RPRD1B: variants seen among roughly 807,000 people sequenced by gnomAD.
RPRD1B encodes regulation of nuclear pre-mRNA domain-containing protein 1B.
In RPRD1B, 11 loss-of-function variants were observed where a neutral mutation model predicts 41.5. That is an observed-to-expected ratio of 0.27 (90% CI 0.17 to 0.44). The LOEUF (loss-of-function observed/expected upper bound fraction) is 0.44. Ranked by LOEUF, RPRD1B falls within the 20% of genes least tolerant of loss-of-function variation. RPRD1B has a pLI of 1.00. For synonymous variants in RPRD1B, 158 were observed against 155.6 expected (o/e 1.02, Z -0.12); for missense variants, 248 against 389.9 (o/e 0.64, Z 3.06).
At position 38,054,330 on chromosome 20, in the gene RPRD1B, A is replaced by G. The variant is rs149724022; in HGVS notation, c.416-3202A>G. Among the ~76,000 whole-genome samples, 1,082 of 152,316 alleles carry G rather than the reference A, an allele frequency of 7.1e-3. 5 individuals are homozygous for G. Among genetic ancestry groups the G allele is most frequent in the African/African-American group, 0.021 (865 of 41,558 alleles). On this transcript the variant is annotated intron_variant, in intron 3 of 6. Transcript: ENST00000373433. ...GCACCAGTAGGTCCTCCAAATGGAA[A>G]TAGGAGGAAACTGGAAAAATAGGGT... is the stretch of plus-strand genomic sequence containing the variant.
chr20:38,073,034 G>A (rs2074426816), intron 6 of RPRD1B, among the ~76,000 whole-genome samples: 1 of 152,202 alleles, frequency 6.6e-6, no homozygotes. Context: ...GACCAGCATA[G>A]AGTCCAAGGC....
intron 6 of RPRD1B, among the ~76,000 whole-genome samples, chr20:38,089,003 T>A (rs2074588440): frequency 6.6e-6 from 1 of 152,008 alleles, no homozygotes; most frequent in South Asian, 2.1e-4. Flanking sequence ...GGTTAGGAGG[T>A]TGTGAGGCAG....
At chr20:38,059,021 A>G (rs984730775) in intron 4 of RPRD1B, among the ~76,000 whole-genome samples, 4 of 152,108 alleles carry the variant, frequency 2.6e-5, no homozygotes, top group Non-Finnish European at 5.9e-5. Flanking sequence ...GCCACAACAC[A>G]CAGTTGTTAA....
chr20:38,087,587 T>C (rs2074573766), intron 6 of RPRD1B, among the ~76,000 whole-genome samples: 1 of 152,208 alleles, frequency 6.6e-6, no homozygotes, highest in South Asian at 2.1e-4. Flanking sequence ...GTAGTTGTTT[T>C]GTTATTTTAC....
At chr20:38,070,890 C>G (rs1391665924) in intron 6 of RPRD1B, among the ~76,000 whole-genome samples, 1 of 152,088 alleles carries the variant, frequency 6.6e-6, no homozygotes, top group Non-Finnish European at 1.5e-5. Context: ...TGCCACCACA[C>G]CCAGCTAATT....
At chr20:38,066,756 C>T (rs566862798) in intron 6 of RPRD1B, among the ~76,000 whole-genome samples, 7 of 152,124 alleles carry the variant, frequency 4.6e-5, no homozygotes, top group East Asian at 1.9e-4. Flanking sequence ...CCCAGGTTCA[C>T]GCCATTCTCC....
At chr20:38,085,839 CTTTTTTTTT>C (rs774430421) in intron 6 of RPRD1B, among the ~76,000 whole-genome samples, 1 of 124,998 alleles carries the variant, frequency 8.0e-6, no homozygotes, top group Non-Finnish European at 1.7e-5. Context: ...TGGAGTCAGT[CTTTTTTTTT>C]TTTTTTTTTT....
At chr20:38,071,327 C>G (rs181609541) in intron 6 of RPRD1B, among the ~76,000 whole-genome samples, 1 of 152,194 alleles carries the variant, frequency 6.6e-6, no homozygotes, top group Non-Finnish European at 1.5e-5. Flanking sequence ...TGGCTTCTTT[C>G]GGCACGATGT....
At chr20:38,040,621 G>A in intron 2 of RPRD1B, 57 bp downstream of exon 2, 1 of 1,552,902 alleles carries the variant, frequency 6.4e-7, no homozygotes, top group South Asian at 1.2e-5. Context: ...CCACCTTTTT[G>A]TTCTTTCCTT....
intron 3 of RPRD1B, 116 bp from the exon 4 acceptor site, chr20:38,057,416 A>G (rs1445666343): frequency 4.4e-6 from 3 of 684,132 alleles, no homozygotes; most frequent in Admixed American, 2.1e-5. Context: ...CTATTAAGCC[A>G]TTCTGAAAAT....
At chr20:38,038,087 T>C (rs1475332797) in intron 1 of RPRD1B, among the ~76,000 whole-genome samples, 2 of 152,210 alleles carry the variant, frequency 1.3e-5, no homozygotes, top group Non-Finnish European at 2.9e-5. Flanking sequence ...CTGACACTTT[T>C]GTTCTGCTTT....
chr20:38,078,806 T>A (rs116352052), intron 6 of RPRD1B, among the ~76,000 whole-genome samples: 1,758 of 152,140 alleles, frequency 0.012, 25 homozygotes, highest in African/African-American at 0.04. Context: ...ATTCTGTGAT[T>A]TTTTTTTGTT....
chr20:38,045,616 A>G (rs1297094818), intron 2 of RPRD1B, among the ~76,000 whole-genome samples: 2 of 152,182 alleles, frequency 1.3e-5, no homozygotes, highest in Non-Finnish European at 2.9e-5. Flanking sequence ...TGTGCCTGAA[A>G]CTGTACACAA....
rs751794858 is a variant in RPRD1B, at chr20:38,081,579, C to CAGT, written c.832-8145_832-8143dup. 9.5e-4 allele frequency among the ~76,000 whole-genome samples: 145 copies of CAGT among 152,224 alleles called. 2 individuals are homozygous for CAGT. Among genetic ancestry groups the CAGT allele is most frequent in the Non-Finnish European group, 2.9e-4 (20 of 68,016 alleles). On this transcript the variant is annotated intron_variant, in intron 6 of 6. Coordinates refer to ENST00000373433, the MANE Select transcript of RPRD1B (RefSeq NM_021215.4). The stretch of plus-strand genomic sequence containing the variant: ...GCTTGATTGCTCTGGCTAGGACTTC[C>CAGT]AGTACTGTGTTGAACGGGGGTGGCA...
intron 2 of RPRD1B, among the ~76,000 whole-genome samples, chr20:38,041,973 G>A (rs1006751790): frequency 5.2e-4 from 79 of 152,254 alleles, no homozygotes; most frequent in African/African-American, 1.8e-3. Flanking sequence ...TAGCCTCCAT[G>A]TAAGTGGTGT....
chr20:38,040,232 A>ATTCTTT (rs1284152552), intron 1 of RPRD1B, among the ~76,000 whole-genome samples: 1 of 133,842 alleles, frequency 7.5e-6, no homozygotes, highest in Non-Finnish European at 1.5e-5. Flanking sequence ...AAGATGGCCC[A>ATTCTTT]TTCTTTTTCT....
In RPRD1B at chr20:38,055,740, G is replaced by A. The variant is rs148382084; in HGVS notation, c.416-1792G>A. 7.1e-3 allele frequency among the ~76,000 whole-genome samples: 1,081 copies of A among 152,206 alleles called. 5 individuals carry two copies. The highest frequency in any genetic ancestry group is 0.021 in the African/African-American group (864 of 41,496). ...TCGTTCATTTTTATAAAATGTCGTGGGTGTTATCACTGGGCGATAAGGAGA... is the reference window on the plus strand; with the variant it reads ...TCGTTCATTTTTATAAAATGTCGTGAGTGTTATCACTGGGCGATAAGGAGA... On this transcript the variant is annotated intron_variant, in intron 3 of 6. Coordinates refer to ENST00000373433, the MANE Select transcript of RPRD1B (RefSeq NM_021215.4).
chr20:38,062,790 C>A (rs1197852382), intron 5 of RPRD1B, among the ~76,000 whole-genome samples: 3 of 149,366 alleles, frequency 2.0e-5, no homozygotes, highest in African/African-American at 7.4e-5. Context: ...CCACATAACA[C>A]CCCCACGACT....
At chr20:38,064,461 G>A (rs1035478764) in intron 5 of RPRD1B, among the ~76,000 whole-genome samples, 3 of 152,150 alleles carry the variant, frequency 2.0e-5, no homozygotes, top group African/African-American at 7.2e-5. Flanking sequence ...CTGTCCCACG[G>A]TACTGCCGGA....
Sources: allele counts gnomAD v4.1 joint callset (sites outside exome capture counted in the v4.1 genomes callset), GRCh38; gene constraint gnomAD v4.1.1; transcripts MANE v1.5; gene names NCBI Gene and HGNC (gene_info 2026-07-23, HGNC 2026-07-21).